Variants in PRKN observed in about 807,000 individuals in gnomAD.
PRKN encodes the protein E3 ubiquitin-protein ligase parkin.
A neutral mutation model predicts 59.5 loss-of-function variants in PRKN; 56 were observed. The ratio of observed to expected loss-of-function variants is 0.94; its 90% CI spans 0.76 to 1.18. The LOEUF (loss-of-function observed/expected upper bound fraction) is 1.18. PRKN is among the 50% of genes most tolerant of loss of function. PRKN has a pLI of 0.00. For synonymous variants in PRKN, 250 were observed against 222.1 expected (o/e 1.13, Z -1.12); for missense variants, 657 against 596.4 (o/e 1.10, Z -1.06).
At position 161,354,220 on chromosome 6, in the gene PRKN, A is replaced by G. The variant is rs1462774299; in HGVS notation, c.1286-4009T>C. ...AGCTAGACCCAGGCCATGGAGGAGC[A>G]TGGAGGACCGCAATTCTAAAAGCTT... On this transcript the variant is annotated intron_variant, in intron 11 of 11. Coordinates refer to ENST00000366898, the MANE Select transcript of PRKN (RefSeq NM_004562.3). This position sits in a 1 kb window ranked among gnomAD's most constrained non-coding sequence, Gnocchi z 6.7. 1.3e-5 allele frequency among the ~76,000 whole-genome samples: 2 copies of G among 152,202 alleles called. No homozygotes were observed. The highest frequency in any genetic ancestry group is 1.3e-4 in the Admixed American group (2 of 15,280).
intron 5 of PRKN, among the ~76,000 whole-genome samples, chr6:162,042,203 A>T (rs1441982329): frequency 1.3e-5 from 2 of 152,278 alleles, no homozygotes; most frequent in South Asian, 4.1e-4. Flanking sequence ...CACAAGAATT[A>T]TAATAACATA....
intron 6 of PRKN, among the ~76,000 whole-genome samples, chr6:161,868,073 T>A (rs926565917): frequency 9.2e-5 from 14 of 152,016 alleles, no homozygotes; most frequent in South Asian, 4.2e-4. Context: ...ATCTTTTAAT[T>A]TCTTTAATCC....
At chr6:162,460,559 C>T (rs1791102826) in intron 1 of PRKN, among the ~76,000 whole-genome samples, 1 of 152,134 alleles carries the variant, frequency 6.6e-6, no homozygotes, top group Admixed American at 6.5e-5. Flanking sequence ...CCTCCGCTGT[C>T]CCTCCCTAAA....
At chr6:161,965,225 A>G (rs1324637223) in intron 6 of PRKN, among the ~76,000 whole-genome samples, 1 of 152,108 alleles carries the variant, frequency 6.6e-6, no homozygotes, top group Non-Finnish European at 1.5e-5. Flanking sequence ...AAGCCGAATG[A>G]ATTTTATTTT....
At chr6:162,528,068 C>CGGGG (rs1292578701) in intron 1 of PRKN, among the ~76,000 whole-genome samples, 1 of 82,914 alleles carries the variant, frequency 1.2e-5, no homozygotes, top group African/African-American at 8.0e-5. Context: ...CGGGGGAGGG[C>CGGGG]GGGGGGGCGG....
In PRKN at chr6:162,620,445, T is replaced by C. The variant is rs1458831696; in HGVS notation, c.7+107217A>G. Among the ~76,000 whole-genome samples the C allele has an allele frequency of 1.9e-4, 29 of 152,158 alleles. 1 individual carries two copies. Among genetic ancestry groups the C allele is most frequent in the Admixed American group, 1.9e-3 (29 of 15,276 alleles). On this transcript the variant is annotated intron_variant, in intron 1 of 11. Coordinates refer to ENST00000366898, the MANE Select transcript of PRKN (RefSeq NM_004562.3). ...AATTAAAACTCAACATAAGCAACATTTCTAGCATTATGACTACTGAATACT... is the reference window on the plus strand; with the variant it reads ...AATTAAAACTCAACATAAGCAACATCTCTAGCATTATGACTACTGAATACT...
At chr6:162,303,243 C>G (rs1459409301) in intron 2 of PRKN, among the ~76,000 whole-genome samples, 1 of 152,012 alleles carries the variant, frequency 6.6e-6, no homozygotes, top group African/African-American at 2.4e-5. Context: ...TTATTTTATC[C>G]CTTATCATGT....
In PRKN at chr6:161,750,850, T is replaced by G. The variant is rs375668417; in HGVS notation, c.871+34922A>C. On this transcript the variant is annotated intron_variant, in intron 7 of 11. Transcript: ENST00000366898. ...ATCAATAAGTCTGGTATGACCATCA[T>G]AGAGCAAGCAGATAAGGCTCTAGGT... Among the ~76,000 whole-genome samples, 113 of 151,700 alleles carry G rather than the reference T, an allele frequency of 7.4e-4. 4 individuals are homozygous for G. In the South Asian group the frequency reaches 0.023, roughly 31 times the overall value.
At chr6:161,541,530 A>G (rs1779613962) in intron 9 of PRKN, among the ~76,000 whole-genome samples, 2 of 152,254 alleles carry the variant, frequency 1.3e-5, no homozygotes, top group South Asian at 2.1e-4. Flanking sequence ...TTGAAAGAGT[A>G]TAATTATTGG....
intron 1 of PRKN, among the ~76,000 whole-genome samples, chr6:162,477,664 A>G (rs532720581): frequency 6.6e-6 from 1 of 151,350 alleles, no homozygotes; most frequent in African/African-American, 2.4e-5. Flanking sequence ...TTCAGTATCC[A>G]CTCTTTTCTC....
chr6:161,885,449 G>A (rs1474630844), intron 6 of PRKN, among the ~76,000 whole-genome samples: 1 of 152,096 alleles, frequency 6.6e-6, no homozygotes. Context: ...CAGATCACGA[G>A]GTCAGGAGAT....
intron 6 of PRKN, among the ~76,000 whole-genome samples, chr6:161,811,623 T>C (rs7743710): frequency 0.028 from 4,266 of 152,234 alleles, 195 homozygotes; most frequent in African/African-American, 0.098. Flanking sequence ...GAGCTATTAC[T>C]TTAAATCTTC....
At chr6:161,898,031 A>T (rs1268561300) in intron 6 of PRKN, among the ~76,000 whole-genome samples, 1 of 151,218 alleles carries the variant, frequency 6.6e-6, no homozygotes, top group Non-Finnish European at 1.5e-5. Flanking sequence ...CTACATCTTC[A>T]ATTAAATCAA....
chr6:162,089,165 G>C (rs1779372356), intron 4 of PRKN, among the ~76,000 whole-genome samples: 1 of 152,204 alleles, frequency 6.6e-6, no homozygotes, highest in South Asian at 2.1e-4. Flanking sequence ...AAAAACCTCT[G>C]TCCAGAATAT....
At chr6:162,385,057 C>T (rs935145787) in intron 2 of PRKN, among the ~76,000 whole-genome samples, 1 of 151,242 alleles carries the variant, frequency 6.6e-6, no homozygotes, top group Non-Finnish European at 1.5e-5. Context: ...TTAACTCCTG[C>T]AGCCTATTCT....
intron 5 of PRKN, among the ~76,000 whole-genome samples, chr6:161,977,995 C>G (rs1329312814): frequency 1.3e-5 from 2 of 149,402 alleles, no homozygotes; most frequent in Non-Finnish European, 3.0e-5. Context: ...TTCTTGCAGG[C>G]TAATTTGCAG....
intron 1 of PRKN, among the ~76,000 whole-genome samples, chr6:162,680,188 T>C (rs1245298188): frequency 1.3e-5 from 2 of 151,118 alleles, no homozygotes; most frequent in Non-Finnish European, 2.9e-5. Context: ...ATATACTAAA[T>C]AATATTTGAG....
intron 7 of PRKN, among the ~76,000 whole-genome samples, chr6:161,704,398 C>T (rs752535179): frequency 3.3e-5 from 5 of 152,144 alleles, no homozygotes; most frequent in East Asian, 1.9e-4. Context: ...TGCCATCTTT[C>T]GTCAGTTTAC....
chr6:162,014,214 C>G (rs1006129918), intron 5 of PRKN, among the ~76,000 whole-genome samples: 3 of 152,168 alleles, frequency 2.0e-5, no homozygotes, highest in African/African-American at 7.2e-5. Flanking sequence ...TGGTTAAAAA[C>G]CCACGTGTGA....
Sources: allele counts gnomAD v4.1 joint callset (sites outside exome capture counted in the v4.1 genomes callset), GRCh38; gene constraint gnomAD v4.1.1; non-coding constraint Gnocchi (gnomAD v3.1); transcripts MANE v1.5; gene names NCBI Gene and HGNC (gene_info 2026-07-23, HGNC 2026-07-21).